Variants in SLC28A3 observed in about 807,000 individuals in gnomAD.
The protein encoded by SLC28A3 is solute carrier family 28 member 3.
SLC28A3 carries 68 observed loss-of-function variants against 84.2 expected under a neutral mutation model. That is an observed-to-expected ratio of 0.81 (90% CI 0.66 to 0.99). SLC28A3 has a LOEUF of 0.99. SLC28A3 is among the 50% of genes least tolerant of loss of function. The pLI, the probability that SLC28A3 is intolerant of heterozygous loss-of-function variation, is 0.00. For synonymous variants in SLC28A3, 267 were observed against 303.6 expected, an observed-to-expected ratio of 0.88 and a Z score of 1.25; for missense variants, 712 against 841.5, an observed-to-expected ratio of 0.85 and a Z score of 1.90.
intron 1 of SLC28A3, among the ~76,000 whole-genome samples, chr9:84,332,755 A>C (rs781289074): frequency 6.6e-6 from 1 of 152,202 alleles, no homozygotes; most frequent in African/African-American, 2.4e-5. Context: ...ATGATTTTGC[A>C]GGTTGGAAAA....
At chr9:84,307,445 A>AAAAAAAAAAACAAAAAAAG (rs1554726630) in intron 3 of SLC28A3, among the ~76,000 whole-genome samples, 1 of 146,376 alleles carries the variant, frequency 6.8e-6, no homozygotes, top group Non-Finnish European at 1.5e-5. Context: ...AAAAAAAAAA[A>AAAAAAAAAAACAAAAAAAG]CAAAAACAAA....
In SLC28A3 at chr9:84,309,645, C is replaced by G. The variant is rs201703058; in HGVS notation, c.226G>C (p.Glu76Gln). 12 of 1,612,560 alleles carry G rather than the reference C, an allele frequency of 7.4e-6. No individual in the cohort carries two copies. The East Asian group carries it at 2.7e-4, about 36-fold the overall frequency. The change falls in exon 3 of 18, where the codon GAG (glutamate) becomes CAG (glutamine). Residue 76 changes from glutamate to glutamine, a missense_variant. Transcript: ENST00000376238. Reference protein sequence around the residue: ...NREHMEDDDEEMQQKGCLERR... With the variant: ...NREHMEDDDEQMQQKGCLERR... ...AGACTGTACCCTTTTTGTTGCATCT[C>G]CTCATCATCATCCTCCATGTGTTCT...
At chr9:84,316,527 A>G (rs763631309) in intron 1 of SLC28A3, among the ~76,000 whole-genome samples, 2 of 152,198 alleles carry the variant, frequency 1.3e-5, no homozygotes, top group African/African-American at 4.8e-5. Flanking sequence ...CATCCTTGTG[A>G]TGTCAGGGTG....
At chr9:84,326,983 G>A (rs1016279845) in intron 1 of SLC28A3, among the ~76,000 whole-genome samples, 1 of 152,196 alleles carries the variant, frequency 6.6e-6, no homozygotes, top group East Asian at 1.9e-4. Flanking sequence ...ACTCCAGCTT[G>A]GGTGACAGAG....
At position 84,276,257 on chromosome 9, in the gene SLC28A3, T is replaced by C. The variant is rs1437747868; in HGVS notation, c.*1961A>G. 3.9e-5 allele frequency: 6 copies of C among 152,096 alleles called. No homozygotes were observed. Among genetic ancestry groups the C allele is most frequent in the African/African-American group, 1.4e-4 (6 of 41,412 alleles). The allele number at this position is 152,096 out of a possible 1,614,324, so 9.4% of individuals were successfully genotyped here. On this transcript the variant is annotated 3_prime_UTR_variant, in exon 18 of 18. Coordinates refer to ENST00000376238, the MANE Select transcript of SLC28A3 (RefSeq NM_001199633.2). ...GATATGCAAACCAGACAGACTTAGT[T>C]TCATAAGAATGAAAAATATCTTACT...
chr9:84,316,099 T>C (rs971646438), intron 1 of SLC28A3, among the ~76,000 whole-genome samples: 14 of 152,192 alleles, frequency 9.2e-5, no homozygotes, highest in South Asian at 6.2e-4. Context: ...CAGGAGTACA[T>C]TGTGCCTGGG....
chr9:84,312,148 TCCAAGTG>T, intron 2 of SLC28A3, among the ~76,000 whole-genome samples: 1 of 152,360 alleles, frequency 6.6e-6, no homozygotes, highest in Non-Finnish European at 1.5e-5. Flanking sequence ...TTTGGTTACT[TCCAAGTG>T]TTGGCAATTA....
At chr9:84,293,646 C>A (rs1351048854) in intron 9 of SLC28A3, among the ~76,000 whole-genome samples, 1 of 152,156 alleles carries the variant, frequency 6.6e-6, no homozygotes, top group Non-Finnish European at 1.5e-5. Flanking sequence ...GAGGCTAGGG[C>A]AGCAGGAAGG....
the SLC28A3 span, among the ~76,000 whole-genome samples, chr9:84,350,182 T>C: frequency 2.0e-5 from 3 of 152,248 alleles, no homozygotes; most frequent in South Asian, 4.1e-4. Context: ...GGCTCATGCC[T>C]GTAATCCCAG....
intron 1 of SLC28A3, among the ~76,000 whole-genome samples, chr9:84,329,974 G>A (rs1826715112): frequency 6.6e-6 from 1 of 152,124 alleles, no homozygotes; most frequent in African/African-American, 2.4e-5. Context: ...ATATTATCAA[G>A]AAGTAAGATC....
chr9:84,336,500 T>C (rs1826981013), intron 1 of SLC28A3, among the ~76,000 whole-genome samples: 1 of 151,988 alleles, frequency 6.6e-6, no homozygotes, highest in Non-Finnish European at 1.5e-5. Context: ...TGAGACTTCA[T>C]CTCTAAAACA....
intron 11 of SLC28A3, among the ~76,000 whole-genome samples, chr9:84,289,147 C>G (rs1441452373): frequency 6.6e-6 from 1 of 152,192 alleles, no homozygotes. Context: ...CCTGTTCCCC[C>G]CAGAACATTT....
At chr9:84,292,565 T>C in intron 10 of SLC28A3, 103 bp downstream of exon 10, 1 of 890,116 alleles carries the variant, frequency 1.1e-6, no homozygotes, top group Non-Finnish European at 1.7e-6. Flanking sequence ...TTGACACCAT[T>C]TTCTCTACAC....
the SLC28A3 span, among the ~76,000 whole-genome samples, chr9:84,349,044 T>C: frequency 6.6e-6 from 1 of 152,134 alleles, no homozygotes; most frequent in African/African-American, 2.4e-5. Context: ...AAACAGGCTT[T>C]GTGTGAGCAA....
intron 1 of SLC28A3, among the ~76,000 whole-genome samples, chr9:84,337,375 A>C (rs1827012093): frequency 6.6e-6 from 1 of 151,952 alleles, no homozygotes; most frequent in South Asian, 2.1e-4. Context: ...TGTTGGTATG[A>C]TACTCTGCTG....
chr9:84,360,040 T>C, the SLC28A3 span, among the ~76,000 whole-genome samples: 16 of 149,072 alleles, frequency 1.1e-4, no homozygotes, highest in African/African-American at 4.0e-4. Flanking sequence ...TTAAGACTAA[T>C]GTTGTTAAAT....
the SLC28A3 span, among the ~76,000 whole-genome samples, chr9:84,363,487 G>C: frequency 6.6e-6 from 1 of 152,176 alleles, no homozygotes; most frequent in South Asian, 2.1e-4. Context: ...CAGCAAGCAA[G>C]GTGCTCTAGG....
At chr9:84,307,128 C>T (rs1329038506) in intron 3 of SLC28A3, among the ~76,000 whole-genome samples, 2 of 105,534 alleles carry the variant, frequency 1.9e-5, no homozygotes, top group Non-Finnish European at 1.8e-5. Flanking sequence ...CACCCCGTCT[C>T]AACCAAAAAA....
chr9:84,363,075 A>G, the SLC28A3 span, among the ~76,000 whole-genome samples: 1 of 152,246 alleles, frequency 6.6e-6, no homozygotes, highest in Non-Finnish European at 1.5e-5. Context: ...AAGAAATATT[A>G]ACTTTCAGAT....
Sources: allele counts gnomAD v4.1 joint callset (sites outside exome capture counted in the v4.1 genomes callset), GRCh38; gene constraint gnomAD v4.1.1; transcripts MANE v1.5; gene names NCBI Gene and HGNC (gene_info 2026-07-23, HGNC 2026-07-21).